GASK1B: variants seen among roughly 807,000 people sequenced by gnomAD.
GASK1B encodes golgi associated kinase 1B.
GASK1B carries 34 observed loss-of-function variants against 42.8 expected under a neutral mutation model. That is an observed-to-expected ratio of 0.79 (90% CI 0.60 to 1.06). The LOEUF (loss-of-function observed/expected upper bound fraction) is 1.06. Ranked by LOEUF, GASK1B falls within the 50% of genes least tolerant of loss-of-function variation. The pLI, the probability that GASK1B is intolerant of heterozygous loss-of-function variation, is 0.00. For synonymous variants in GASK1B, 262 were observed against 259.1 expected (o/e 1.01, Z -0.11); for missense variants, 686 against 661.0 (o/e 1.04, Z -0.42).
At chr4:158,156,856 A>G (rs1191173754) in intron 2 of GASK1B, among the ~76,000 whole-genome samples, 1 of 152,150 alleles carries the variant, frequency 6.6e-6, no homozygotes, top group Non-Finnish European at 1.5e-5. Context: ...CTCTGAAATT[A>G]CAACCAGAAT....
At chr4:158,138,618 A>G (rs1416318829) in intron 3 of GASK1B, among the ~76,000 whole-genome samples, 1 of 152,024 alleles carries the variant, frequency 6.6e-6, no homozygotes, top group African/African-American at 2.4e-5. Flanking sequence ...TTTTATTATT[A>G]ATATAGAATT....
rs754715890 is a variant in GASK1B, at chr4:158,155,739, C to T, written c.997G>A (p.Gly333Arg). Residue 333 changes from glycine (G) to arginine (R), a missense_variant, in exon 3 of 5, where the codon GGA becomes AGA. Gly to Arg is a moderately radical substitution (Grantham distance 125, BLOSUM62 -2). Transcript: ENST00000585682. ...DTHSSVKLTWGTYQQLLKQKC... is the reference protein window; with the variant it reads ...DTHSSVKLTWRTYQQLLKQKC... ...TGTTTCAGCAACTGCTGATAAGTTC[C>T]CCAGGTGAGCTTAACAGAAGAATGG... 6.8e-6 allele frequency: 11 copies of T among 1,613,708 alleles called. No homozygotes were observed. In the South Asian group the frequency reaches 7.7e-5, roughly 11 times the overall value.
intron 2 of GASK1B, among the ~76,000 whole-genome samples, chr4:158,166,215 A>G (rs1275317814): frequency 6.6e-6 from 1 of 152,182 alleles, no homozygotes; most frequent in Non-Finnish European, 1.5e-5. Context: ...TCTGTTATAA[A>G]GTACAATACC....
chr4:158,131,391 C>G (rs1730677660), intron 3 of GASK1B, among the ~76,000 whole-genome samples: 1 of 152,216 alleles, frequency 6.6e-6, no homozygotes, highest in Non-Finnish European at 1.5e-5. Context: ...CTTGTTTTCT[C>G]CCTCAGGTGG....
intron 2 of GASK1B, among the ~76,000 whole-genome samples, chr4:158,158,880 T>G (rs1731860426): frequency 6.6e-6 from 1 of 152,144 alleles, no homozygotes; most frequent in Non-Finnish European, 1.5e-5. Context: ...GAGACTATTT[T>G]TAGTTCACAA....
At chr4:158,145,497 C>A (rs1370940107) in intron 3 of GASK1B, among the ~76,000 whole-genome samples, 5 of 152,164 alleles carry the variant, frequency 3.3e-5, no homozygotes, top group Non-Finnish European at 7.4e-5. Flanking sequence ...ACTCAATGAA[C>A]TTTTTCATAC....
chr4:158,146,210 A>T (rs900072372), intron 3 of GASK1B, among the ~76,000 whole-genome samples: 1 of 152,066 alleles, frequency 6.6e-6, no homozygotes, highest in Admixed American at 6.5e-5. Flanking sequence ...TGCTGCTGAT[A>T]GAATTGTTAC....
intron 3 of GASK1B, among the ~76,000 whole-genome samples, chr4:158,149,976 G>C (rs1219016394): frequency 8.6e-6 from 1 of 116,752 alleles, no homozygotes; most frequent in Non-Finnish European, 1.6e-5. Flanking sequence ...CCAGTTTGGA[G>C]TGCAGTGGCG....
rs368554760 is a variant in GASK1B at position 158,130,111 on chromosome 4, A to C, written c.1352+675T>G. 2.2e-3 allele frequency among the ~76,000 whole-genome samples: 341 copies of C among 152,254 alleles called. 14 individuals are homozygous for C. The South Asian group carries it at 0.068, about 31-fold the overall frequency. ...CTTGTCGGATGTCCCCAGATCTTTG[A>C]GATCTTCCCTGAATTCTTGGTCAAC... On this transcript the variant is annotated intron_variant, in intron 4 of 4. Coordinates refer to ENST00000585682, the MANE Select transcript of GASK1B (RefSeq NM_001128424.2).
intron 2 of GASK1B, among the ~76,000 whole-genome samples, chr4:158,164,620 T>A (rs899514522): frequency 6.6e-6 from 1 of 152,192 alleles, no homozygotes; most frequent in Admixed American, 6.5e-5. Flanking sequence ...TTTTAAAAAA[T>A]AAAACATGAT....
chr4:158,168,833 T>A (rs554421706), intron 2 of GASK1B: 1 of 152,136 alleles, frequency 6.6e-6, no homozygotes, highest in African/African-American at 2.4e-5. Flanking sequence ...GACATGAAAA[T>A]GAATGGGATT....
In GASK1B at chr4:158,170,606, A is replaced by C; in HGVS notation, c.770T>G (p.Val257Gly). 1 of 1,613,884 alleles carries C rather than the reference A, an allele frequency of 6.2e-7. No homozygotes were observed. Among genetic ancestry groups the C allele is most frequent in the Non-Finnish European group, 8.5e-7 (1 of 1,180,042 alleles). ...LVLEGGAPGA[V>G]LRCGPSPCGL... ...ACAGGGGCTAGGGCCACAGCGGAGCACAGCGCCAGGTGCGCCCCCCTCCAG... is the reference window on the plus strand; with the variant it reads ...ACAGGGGCTAGGGCCACAGCGGAGCCCAGCGCCAGGTGCGCCCCCCTCCAG... The change falls in exon 2 of 5, where the codon GTG (valine) becomes GGG (glycine). Residue 257 changes from valine to glycine, a missense_variant. Physicochemically the swap from Val to Gly is moderately radical, Grantham distance 109 (BLOSUM62 -3). Transcript: ENST00000585682.
intron 2 of GASK1B, among the ~76,000 whole-genome samples, chr4:158,165,362 C>G (rs1031824423): frequency 1.3e-5 from 2 of 152,046 alleles, no homozygotes; most frequent in Non-Finnish European, 2.9e-5. Context: ...CGAAATGTAT[C>G]AGGACCACAC....
chr4:158,164,992 T>C (rs1021828066), intron 2 of GASK1B, among the ~76,000 whole-genome samples: 3 of 152,220 alleles, frequency 2.0e-5, no homozygotes, highest in Non-Finnish European at 4.4e-5. Flanking sequence ...GTGGGGTGCC[T>C]GCAGTTTGTC....
At chr4:158,139,781 C>T (rs572592853) in intron 3 of GASK1B, among the ~76,000 whole-genome samples, 26 of 152,112 alleles carry the variant, frequency 1.7e-4, no homozygotes, top group Non-Finnish European at 3.2e-4. Flanking sequence ...TGGAATTGTT[C>T]TTTCAAGTTA....
Position 158,170,837 on chromosome 4 carries a change from C to T in GASK1B, c.539G>A (p.Trp180Ter), listed in dbSNP as rs985045202. Residue 180 changes from tryptophan to a stop codon, truncating the protein, a stop_gained, in exon 2 of 5, where the codon TGG becomes TAG. Coordinates refer to ENST00000585682, the MANE Select transcript of GASK1B (RefSeq NM_001128424.2). LOFTEE classifies it high-confidence loss of function. ...ANLVKIGERP[W>*]RLVRGPGVRA... Reference sequence around the variant, plus strand: ...CACTCCCGGACCCCGCACCAACCTCCAGGGTCGCTCTCCAATCTTAACCAG... The same window carrying T: ...CACTCCCGGACCCCGCACCAACCTCTAGGGTCGCTCTCCAATCTTAACCAG... 6.2e-7 allele frequency: 1 copy of T among 1,614,126 alleles called. No individual in the cohort carries two copies. Among genetic ancestry groups the T allele is most frequent in the African/African-American group, 1.3e-5 (1 of 74,952 alleles).
At chr4:158,148,797 C>T (rs1015175055) in intron 3 of GASK1B, among the ~76,000 whole-genome samples, 4 of 152,144 alleles carry the variant, frequency 2.6e-5, no homozygotes, top group African/African-American at 9.7e-5. Flanking sequence ...TGTTCAGATT[C>T]GTCCTCAAGA....
At chr4:158,135,065 G>T (rs1368698529) in intron 3 of GASK1B, among the ~76,000 whole-genome samples, 4 of 152,092 alleles carry the variant, frequency 2.6e-5, no homozygotes, top group Non-Finnish European at 5.9e-5. Context: ...GAGCATGCTG[G>T]CTCATGCCTG....
At chr4:158,154,394 C>G (rs111903302) in intron 3 of GASK1B, among the ~76,000 whole-genome samples, 1 of 152,156 alleles carries the variant, frequency 6.6e-6, no homozygotes, top group Non-Finnish European at 1.5e-5. Context: ...AAAGGGAACA[C>G]TTTTGCACTG....
Sources: gnomAD v4.1 joint callset for allele counts (sites outside exome capture counted in the v4.1 genomes callset) on GRCh38, gnomAD v4.1.1 for gene constraint, MANE v1.5 for transcripts, NCBI Gene and HGNC (gene_info 2026-07-23, HGNC 2026-07-21) for gene names.